The following OSBPL8 variants were observed in gnomAD, a reference collection of about 807,000 sequenced individuals.
The protein encoded by OSBPL8 is oxysterol binding protein like 8, also known as oxysterol-binding protein-related protein 8.
Under a neutral mutation model 125.5 loss-of-function variants are expected in OSBPL8, and 59 were observed. That is an observed-to-expected ratio of 0.47 (90% confidence interval 0.38 to 0.58). The LOEUF (loss-of-function observed/expected upper bound fraction) is 0.58. OSBPL8 is among the 20% of genes least tolerant of loss of function. OSBPL8 has a pLI of 0.00. For synonymous variants in OSBPL8, 330 were observed against 338.9 expected, an observed-to-expected ratio of 0.97 and a Z score of 0.29; for missense variants, 758 against 1,047.8, an observed-to-expected ratio of 0.72 and a Z score of 3.82.
At chr12:76,419,661 T>C (rs1040143666) in intron 4 of OSBPL8, among the ~76,000 whole-genome samples, 1 of 152,214 alleles carries the variant, frequency 6.6e-6, no homozygotes, top group African/African-American at 2.4e-5. Context: ...AACATAGTAA[T>C]GAGTTTCAGA....
At chr12:76,370,258 CA>C (rs2136192649) in intron 19 of OSBPL8, among the ~76,000 whole-genome samples, 1 of 152,250 alleles carries the variant, frequency 6.6e-6, no homozygotes, top group South Asian at 2.1e-4. Flanking sequence ...CATGAATTAT[CA>C]GAGAATTTTT....
intron 1 of OSBPL8, among the ~76,000 whole-genome samples, chr12:76,540,527 T>C (rs1309334247): frequency 1.4e-5 from 2 of 143,556 alleles, no homozygotes; most frequent in African/African-American, 5.2e-5. Context: ...TGTGTGTGTG[T>C]ACAGAGAGAG....
chr12:76,537,185 T>C (rs1296000361), intron 1 of OSBPL8: 1 of 152,260 alleles, frequency 6.6e-6, no homozygotes, highest in Non-Finnish European at 1.5e-5. Flanking sequence ...AAATGACTGG[T>C]ATTTGGAAAA....
intron 4 of OSBPL8, among the ~76,000 whole-genome samples, chr12:76,417,706 C>T (rs955580973): frequency 1.3e-5 from 2 of 152,124 alleles, no homozygotes; most frequent in African/African-American, 4.8e-5. Flanking sequence ...CCTAATATTT[C>T]ACAAATCTAC....
chr12:76,467,904 T>C (rs1875660402), intron 2 of OSBPL8, among the ~76,000 whole-genome samples: 1 of 152,188 alleles, frequency 6.6e-6, no homozygotes, highest in Non-Finnish European at 1.5e-5. Flanking sequence ...TGATCTCCAG[T>C]CTACCCAACA....
chr12:76,476,133 T>C (rs1317994858), intron 2 of OSBPL8, among the ~76,000 whole-genome samples: 1 of 152,148 alleles, frequency 6.6e-6, no homozygotes, highest in Non-Finnish European at 1.5e-5. Context: ...AAGCTATGAT[T>C]TTAATAAAAA....
At chr12:76,398,221 A>G (rs1953897118) in intron 7 of OSBPL8, among the ~76,000 whole-genome samples, 1 of 152,114 alleles carries the variant, frequency 6.6e-6, no homozygotes, top group African/African-American at 2.4e-5. Flanking sequence ...TTTTTCTAAC[A>G]CTGATCATGG....
intron 2 of OSBPL8, among the ~76,000 whole-genome samples, chr12:76,481,693 C>T (rs1463935315): frequency 6.6e-6 from 1 of 152,070 alleles, no homozygotes; most frequent in East Asian, 1.9e-4. Context: ...ATCACTAATA[C>T]CACATAATAC....
At chr12:76,501,285 G>C (rs1051417702) in intron 1 of OSBPL8, among the ~76,000 whole-genome samples, 1 of 152,040 alleles carries the variant, frequency 6.6e-6, no homozygotes, top group Non-Finnish European at 1.5e-5. Flanking sequence ...AATGAATCTT[G>C]CATTTTTTAA....
At chr12:76,461,916 T>TA (rs1874791317) in intron 2 of OSBPL8, among the ~76,000 whole-genome samples, 1 of 152,210 alleles carries the variant, frequency 6.6e-6, no homozygotes, top group South Asian at 2.1e-4. Context: ...GTTTGTTGTG[T>TA]ACCAATAAAT....
intron 4 of OSBPL8, among the ~76,000 whole-genome samples, chr12:76,443,481 C>T (rs968745828): frequency 8.5e-5 from 13 of 152,088 alleles, no homozygotes; most frequent in Non-Finnish European, 1.2e-4. Flanking sequence ...AAAGGGTGAA[C>T]GCGAGCCTAA....
Position 76,355,776 on chromosome 12 carries a change from GGTTTTT to G in OSBPL8, c.*107_*112del. On this transcript the variant is annotated 3_prime_UTR_variant, in exon 24 of 24. Coordinates refer to ENST00000261183, the MANE Select transcript of OSBPL8 (RefSeq NM_020841.5). Reference sequence around the variant, plus strand: ...TCAATACCTCTACATTTATCTCCTAGGTTTTTTTGTTTTCGGAATATTGTGATTTTT... The same window carrying G: ...TCAATACCTCTACATTTATCTCCTAGTTGTTTTCGGAATATTGTGATTTTT... The G allele has an allele frequency of 8.4e-7, 1 of 1,186,740 alleles. No individual in the cohort carries two copies. Among genetic ancestry groups the G allele is most frequent in the Non-Finnish European group, 1.2e-6 (1 of 857,862 alleles). The allele number at this position is 1,186,740 out of a possible 1,614,324, so 73.5% of individuals were successfully genotyped here.
At chr12:76,407,485 CA>C (rs1423104792) in intron 5 of OSBPL8, among the ~76,000 whole-genome samples, 1 of 152,144 alleles carries the variant, frequency 6.6e-6, no homozygotes, top group East Asian at 1.9e-4. Context: ...TGAGCTCAAG[CA>C]ATCTTCCCAT....
At chr12:76,452,611 A>C (rs1165077113) in intron 3 of OSBPL8, among the ~76,000 whole-genome samples, 1 of 152,188 alleles carries the variant, frequency 6.6e-6, no homozygotes, top group African/African-American at 2.4e-5. Context: ...TTACTGAGCA[A>C]TCTTTTAAAA....
Position 76,384,243 on chromosome 12 carries a change from G to A in OSBPL8, c.1630+11C>T, listed in dbSNP as rs752549481. 1.4e-5 allele frequency: 20 copies of A among 1,458,390 alleles called. No individual in the cohort carries two copies. Among genetic ancestry groups the A allele is most frequent in the Middle Eastern group, 1.8e-4 (1 of 5,598 alleles). 90.3% of individuals were successfully genotyped at this position (1,458,390 alleles called of 1,614,324 possible). A position where few individuals can be genotyped will look rare whatever the true frequency, so the allele number is the denominator to read the frequency against. ...CCAGGAGAGGGTGCAAGTTGGGACG[G>A]GAAAACTCACCATAAAACTTAGACT... is the stretch of plus-strand genomic sequence containing the variant. On this transcript the variant is annotated intron_variant, in intron 15 of 23. Transcript: ENST00000261183.
chr12:76,439,404 A>G (rs565176808), intron 4 of OSBPL8, among the ~76,000 whole-genome samples: 3 of 152,036 alleles, frequency 2.0e-5, no homozygotes, highest in African/African-American at 7.2e-5. Context: ...TATACAGCAC[A>G]CATTCCAAAC....
chr12:76,487,360 G>A (rs1156337719), intron 2 of OSBPL8, 150 bp downstream of exon 2: 2 of 580,570 alleles, frequency 3.4e-6, no homozygotes, highest in Non-Finnish European at 5.7e-6. Flanking sequence ...ATCATTTAAA[G>A]TATCTGTAAT....
chr12:76,546,604 CA>C (rs577590696), intron 1 of OSBPL8, among the ~76,000 whole-genome samples: 8 of 150,642 alleles, frequency 5.3e-5, no homozygotes, highest in South Asian at 4.2e-4. Context: ...TCAGGGATAG[CA>C]AAAAAAAGTA....
At chr12:76,403,169 G>T (rs1455766522) in intron 5 of OSBPL8, among the ~76,000 whole-genome samples, 1 of 152,108 alleles carries the variant, frequency 6.6e-6, no homozygotes, top group African/African-American at 2.4e-5. Context: ...TGCACATATT[G>T]CCCTGCTTCT....
Sources: gnomAD v4.1 joint callset for allele counts (sites outside exome capture counted in the v4.1 genomes callset) on GRCh38, gnomAD v4.1.1 for gene constraint, MANE v1.5 for transcripts, NCBI Gene and HGNC (gene_info 2026-07-23, HGNC 2026-07-21) for gene names.